Variants in GPC5 observed in about 807,000 individuals in gnomAD.
GPC5 encodes glypican 5.
A neutral mutation model predicts 53.9 loss-of-function variants in GPC5; 47 were observed. The ratio of observed to expected loss-of-function variants is 0.87; its 90% CI spans 0.69 to 1.11. GPC5 has a LOEUF of 1.11. Among genes scored for constraint, GPC5 ranks in the 50% most tolerant of loss-of-function variants. The pLI, the probability that GPC5 is intolerant of heterozygous loss-of-function variation, is 0.00. For missense variants in GPC5, 748 were observed against 713.1 expected, an observed-to-expected ratio of 1.05 and a Z score of -0.56; for synonymous variants, 286 against 263.3, an observed-to-expected ratio of 1.09 and a Z score of -0.84.
chr13:92,629,102 C>T (rs1044628381), intron 7 of GPC5, among the ~76,000 whole-genome samples: 3 of 152,104 alleles, frequency 2.0e-5, no homozygotes, highest in Non-Finnish European at 4.4e-5. Flanking sequence ...ATTGGAACAA[C>T]GAGAAAGATC....
intron 2 of GPC5, among the ~76,000 whole-genome samples, chr13:91,629,504 G>A (rs868784520): frequency 1.3e-4 from 19 of 151,998 alleles, no homozygotes; most frequent in African/African-American, 3.9e-4. Flanking sequence ...TTTGCTGGGC[G>A]TGGTGGCACA....
chr13:92,436,913 C>T (rs771007131), intron 7 of GPC5, among the ~76,000 whole-genome samples: 52 of 151,992 alleles, frequency 3.4e-4, no homozygotes, highest in Non-Finnish European at 6.5e-4. Context: ...CAAGGATTTA[C>T]CTACATTTTC....
chr13:92,048,948 A>G (rs949278428), intron 6 of GPC5, among the ~76,000 whole-genome samples: 5 of 152,222 alleles, frequency 3.3e-5, no homozygotes, highest in African/African-American at 1.2e-4. Flanking sequence ...CAGTTGAAAC[A>G]TGGCTTATTT....
intron 2 of GPC5, among the ~76,000 whole-genome samples, chr13:91,512,423 T>G (rs930157782): frequency 6.6e-5 from 10 of 152,214 alleles, no homozygotes; most frequent in Non-Finnish European, 1.5e-5. Context: ...AGCTTTCCTC[T>G]CATGCTCAGC....
At chr13:91,807,138 T>G (rs1183780638) in intron 5 of GPC5, among the ~76,000 whole-genome samples, 2 of 152,164 alleles carry the variant, frequency 1.3e-5, no homozygotes, top group Non-Finnish European at 2.9e-5. Flanking sequence ...ATCATAGTTT[T>G]GGGGAACTAA....
chr13:92,386,654 T>C (rs1874739765), intron 7 of GPC5, among the ~76,000 whole-genome samples: 1 of 152,070 alleles, frequency 6.6e-6, no homozygotes, highest in African/African-American at 2.4e-5. Flanking sequence ...ATTTGTGATG[T>C]TATACTTGCT....
At chr13:91,781,170 G>A (rs1001158082) in intron 5 of GPC5, among the ~76,000 whole-genome samples, 2 of 152,180 alleles carry the variant, frequency 1.3e-5, no homozygotes, top group Non-Finnish European at 1.5e-5. Flanking sequence ...CATAGTCATT[G>A]TTGGGATGAC....
intron 7 of GPC5, among the ~76,000 whole-genome samples, chr13:92,542,360 T>C: frequency 6.6e-6 from 1 of 151,946 alleles, no homozygotes; most frequent in Non-Finnish European, 1.5e-5. Flanking sequence ...TCTTTCCCAG[T>C]CTCTAGAAAC....
chr13:91,596,621 T>C (rs1422248234), intron 2 of GPC5, among the ~76,000 whole-genome samples: 2 of 152,196 alleles, frequency 1.3e-5, no homozygotes, highest in African/African-American at 2.4e-5. Flanking sequence ...TGAGATTTGT[T>C]CTGGGATACA....
At chr13:91,945,596 T>C (rs2039966818) in intron 6 of GPC5, among the ~76,000 whole-genome samples, 1 of 152,216 alleles carries the variant, frequency 6.6e-6, no homozygotes, top group Non-Finnish European at 1.5e-5. Flanking sequence ...TTGAATTTCC[T>C]TGACTGGTTA....
At chr13:92,576,114 AC>A (rs1883182386) in intron 7 of GPC5, among the ~76,000 whole-genome samples, 1 of 152,220 alleles carries the variant, frequency 6.6e-6, no homozygotes, top group African/African-American at 2.4e-5. Flanking sequence ...TCCAGATATA[AC>A]GAATACTAAT....
chr13:92,385,461 C>CATATATATACATATATACACATATAT (rs2043792066), intron 7 of GPC5, among the ~76,000 whole-genome samples: 2 of 70,448 alleles, frequency 2.8e-5, no homozygotes, highest in African/African-American at 9.8e-5. Context: ...TACATATATA[C>CATATATATACATATATACACATATAT]ACATATATAC....
At chr13:92,507,865 AT>A (rs1880429235) in intron 7 of GPC5, among the ~76,000 whole-genome samples, 1 of 152,136 alleles carries the variant, frequency 6.6e-6, no homozygotes, top group Admixed American at 6.5e-5. Flanking sequence ...TTTGTGGTGA[AT>A]TTGAAAAATT....
chr13:92,125,658 T>C (rs1442446491), intron 6 of GPC5, among the ~76,000 whole-genome samples: 1 of 151,922 alleles, frequency 6.6e-6, no homozygotes, highest in Non-Finnish European at 1.5e-5. Context: ...ATTGGTAGAG[T>C]TGTATTATTT....
intron 7 of GPC5, among the ~76,000 whole-genome samples, chr13:92,598,994 C>T (rs577834421): frequency 5.3e-5 from 8 of 152,292 alleles, no homozygotes; most frequent in East Asian, 1.9e-4. Flanking sequence ...AAAGTTGTGA[C>T]ACTGTATCTA....
At chr13:92,097,241 A>C (rs773368880) in intron 6 of GPC5, among the ~76,000 whole-genome samples, 2 of 152,186 alleles carry the variant, frequency 1.3e-5, no homozygotes, top group African/African-American at 2.4e-5. Context: ...TTAGCTGAAG[A>C]GGTTTCCTAG....
chr13:92,695,986 A>G (rs1167217841), intron 7 of GPC5, among the ~76,000 whole-genome samples: 1 of 152,110 alleles, frequency 6.6e-6, no homozygotes, highest in African/African-American at 2.4e-5. Context: ...GCTGAGAATG[A>G]CAGTTTCCAG....
intron 2 of GPC5, among the ~76,000 whole-genome samples, chr13:91,503,796 A>G (rs1884785346): frequency 6.9e-6 from 1 of 144,782 alleles, no homozygotes; most frequent in Admixed American, 6.9e-5. Context: ...TAATAATAAT[A>G]ATAATAATAA....
intron 7 of GPC5, among the ~76,000 whole-genome samples, chr13:92,398,285 C>T (rs1875379254): frequency 6.7e-6 from 1 of 150,302 alleles, no homozygotes; most frequent in Admixed American, 6.6e-5. Context: ...AAAAATTAGC[C>T]GGGCGTAGTG....
Sources: gnomAD v4.1 joint callset for allele counts (sites outside exome capture counted in the v4.1 genomes callset) on GRCh38, gnomAD v4.1.1 for gene constraint, MANE v1.5 for transcripts, NCBI Gene and HGNC (gene_info 2026-07-23, HGNC 2026-07-21) for gene names.